Variants in PTPRK observed in about 807,000 individuals in gnomAD.
PTPRK encodes receptor-type tyrosine-protein phosphatase kappa.
In PTPRK, 75 loss-of-function variants were observed where a neutral mutation model predicts 178.0. That is an observed-to-expected ratio of 0.42 (90% CI 0.35 to 0.51). The LOEUF (loss-of-function observed/expected upper bound fraction) is 0.51. Among genes scored for constraint, PTPRK ranks in the 20% least tolerant of loss-of-function variants. PTPRK has a pLI of 0.02. For synonymous variants in PTPRK, 637 were observed against 620.6 expected (o/e 1.03, Z -0.39); for missense variants, 1,441 against 1,797.8 (o/e 0.80, Z 3.59).
rs145435900 is a variant in PTPRK at position 128,398,289 on chromosome 6, A to G, written c.101-601T>C. Among the ~76,000 whole-genome samples the G allele has an allele frequency of 2.0e-3, 309 of 152,250 alleles. 1 individual carries two copies. The highest frequency in any genetic ancestry group is 7.0e-3 in the African/African-American group (290 of 41,546). On this transcript the variant is annotated intron_variant, in intron 1 of 29. Transcript: ENST00000368226. ...TACAGTACTTTCTGCAACCAATCAGAGGTACTTTCAATTTTCCATCACCAC... is the reference window on the plus strand; with the variant it reads ...TACAGTACTTTCTGCAACCAATCAGGGGTACTTTCAATTTTCCATCACCAC...
chr6:128,128,679 GAAGA>G (rs977929648), intron 7 of PTPRK, among the ~76,000 whole-genome samples: 32 of 152,308 alleles, frequency 2.1e-4, no homozygotes, highest in Non-Finnish European at 4.1e-4. Flanking sequence ...TAACATGCCA[GAAGA>G]AAGAATACAG....
chr6:128,294,466 T>TAC (rs1371008242), intron 3 of PTPRK, among the ~76,000 whole-genome samples: 2 of 152,112 alleles, frequency 1.3e-5, no homozygotes, highest in East Asian at 3.9e-4. Flanking sequence ...CTGGTCTTCT[T>TAC]TAGAGTCCTC....
chr6:128,351,341 A>G (rs1265954554), intron 2 of PTPRK, among the ~76,000 whole-genome samples: 1 of 152,226 alleles, frequency 6.6e-6, no homozygotes, highest in African/African-American at 2.4e-5. Flanking sequence ...GCGAATTTAA[A>G]CAGGACATGT....
Position 127,983,246 on chromosome 6 carries a change from G to C in PTPRK, c.3383C>G (p.Thr1128Arg). 1 of 1,608,986 alleles carries C rather than the reference G, an allele frequency of 6.2e-7. No homozygotes were observed. The highest frequency in any genetic ancestry group is 2.3e-5 in the East Asian group (1 of 44,442). The change falls in exon 23 of 30, where the codon ACA (threonine) becomes AGA (arginine). Residue 1128 changes from threonine to arginine, a missense_variant. Thr to Arg is a moderately conservative substitution (Grantham distance 71). Around this residue, in one of 4 missense-constraint regions of PTPRK, gnomAD observed 335 missense variants for 512.4 expected, o/e 0.65. Coordinates refer to ENST00000368226, the MANE Select transcript of PTPRK (RefSeq NM_002844.4). ...LRSRRINMVQTEEQYIFIHDA... is the reference protein window; with the variant it reads ...LRSRRINMVQREEQYIFIHDA... ...ACTACAGGTAAATCTACATACCTCTGTCTGGACCATATTAATACGCCGAGA... is the reference window on the plus strand; with the variant it reads ...ACTACAGGTAAATCTACATACCTCTCTCTGGACCATATTAATACGCCGAGA...
At chr6:128,054,697 T>C (rs1326842934) in intron 13 of PTPRK, among the ~76,000 whole-genome samples, 5 of 152,346 alleles carry the variant, frequency 3.3e-5, no homozygotes, top group African/African-American at 9.6e-5. Flanking sequence ...ATTTGTATCA[T>C]ACTTTACTTA....
intron 3 of PTPRK, among the ~76,000 whole-genome samples, chr6:128,248,035 T>G (rs879601640): frequency 6.6e-6 from 1 of 152,176 alleles, no homozygotes; most frequent in Non-Finnish European, 1.5e-5. Context: ...TCAAAACCTA[T>G]TTCTAAATAT....
chr6:128,417,071 T>C (rs548439081), intron 1 of PTPRK, among the ~76,000 whole-genome samples: 9 of 150,976 alleles, frequency 6.0e-5, no homozygotes, highest in Admixed American at 1.3e-4. Context: ...TATATATATA[T>C]ACTGTAAAGT....
At chr6:128,486,282 G>A (rs888145286) in intron 1 of PTPRK, among the ~76,000 whole-genome samples, 4 of 152,036 alleles carry the variant, frequency 2.6e-5, no homozygotes, top group Non-Finnish European at 5.9e-5. Flanking sequence ...TCCAGCAGAA[G>A]CACCATTCTG....
intron 1 of PTPRK, among the ~76,000 whole-genome samples, chr6:128,463,565 T>C (rs1849353381): frequency 6.6e-6 from 1 of 152,114 alleles, no homozygotes; most frequent in South Asian, 2.1e-4. Context: ...ACATTGATAT[T>C]TTATCTTAAG....
intron 7 of PTPRK, among the ~76,000 whole-genome samples, chr6:128,090,830 TA>T (rs1188667017): frequency 5.9e-5 from 9 of 151,868 alleles, no homozygotes; most frequent in Non-Finnish European, 1.2e-4. Flanking sequence ...ATCTACAGAG[TA>T]AAAAAACTAA....
intron 2 of PTPRK, among the ~76,000 whole-genome samples, chr6:128,340,224 C>G (rs181717204): frequency 2.6e-5 from 4 of 152,290 alleles, no homozygotes; most frequent in Admixed American, 2.6e-4. Context: ...TCTTGGATCT[C>G]TATCAAATTT....
intron 18 of PTPRK, among the ~76,000 whole-genome samples, chr6:127,993,186 G>C (rs1776794666): frequency 6.6e-6 from 1 of 151,700 alleles, no homozygotes; most frequent in Non-Finnish European, 1.5e-5. Context: ...TCCAATCAAA[G>C]TCCTGCTGAG....
intron 3 of PTPRK, among the ~76,000 whole-genome samples, chr6:128,311,040 T>C (rs1405885976): frequency 1.3e-5 from 2 of 152,068 alleles, no homozygotes; most frequent in African/African-American, 4.8e-5. Flanking sequence ...CAAACTTAAA[T>C]GAACAAAATT....
At chr6:128,286,544 C>T (rs1822534326) in intron 3 of PTPRK, among the ~76,000 whole-genome samples, 1 of 152,098 alleles carries the variant, frequency 6.6e-6, no homozygotes, top group African/African-American at 2.4e-5. Context: ...ATATTTTCCT[C>T]TCTCTTGAGC....
At chr6:128,145,964 C>G (rs1365904542) in intron 7 of PTPRK, among the ~76,000 whole-genome samples, 1 of 152,190 alleles carries the variant, frequency 6.6e-6, no homozygotes, top group Non-Finnish European at 1.5e-5. Context: ...CTGGAAAATG[C>G]TTCTTCCTCC....
intron 3 of PTPRK, among the ~76,000 whole-genome samples, chr6:128,260,739 A>G (rs1250628822): frequency 1.3e-5 from 2 of 152,116 alleles, no homozygotes; most frequent in East Asian, 1.9e-4. Context: ...TCTCCGTTCA[A>G]CTCCAGTATT....
At chr6:128,200,098 A>G (rs1805642771) in intron 6 of PTPRK, among the ~76,000 whole-genome samples, 1 of 152,216 alleles carries the variant, frequency 6.6e-6, no homozygotes, top group Non-Finnish European at 1.5e-5. Flanking sequence ...ATTCATCTAT[A>G]TATGATGGTT....
At chr6:128,287,347 TA>T (rs1385179060) in intron 3 of PTPRK, among the ~76,000 whole-genome samples, 1 of 152,218 alleles carries the variant, frequency 6.6e-6, no homozygotes, top group African/African-American at 2.4e-5. Context: ...CTGCAGTGGT[TA>T]TCTTTCTAAC....
At chr6:127,987,573 G>T (rs966803117) in intron 21 of PTPRK, among the ~76,000 whole-genome samples, 48 of 151,870 alleles carry the variant, frequency 3.2e-4, no homozygotes, top group African/African-American at 1.1e-3. Context: ...ATGCAGATTT[G>T]GTCATTTAAA....
Sources: gnomAD v4.1 joint callset for allele counts (sites outside exome capture counted in the v4.1 genomes callset) on GRCh38, gnomAD v4.1.1 for gene constraint, gnomAD v4.1.1 regional missense constraint, MANE v1.5 for transcripts, NCBI Gene and HGNC (gene_info 2026-07-23, HGNC 2026-07-21) for gene names.